Variants in LRRC4C observed in about 807,000 individuals in gnomAD.
LRRC4C encodes leucine rich repeat containing 4C.
In LRRC4C, 5 loss-of-function variants were observed where a neutral mutation model predicts 33.6. The observed-to-expected ratio is 0.15, with a 90% CI of 0.08 to 0.31. The LOEUF is 0.31. Among genes scored for constraint, LRRC4C ranks in the 10% least tolerant of loss-of-function variants. The pLI, the probability that LRRC4C is intolerant of heterozygous loss-of-function variation, is 1.00. For missense variants in LRRC4C, 560 were observed against 796.7 expected (o/e 0.70, Z 3.58); for synonymous variants, 329 against 302.0 (o/e 1.09, Z -0.93).
chr11:40,427,789 C>T (rs1950771155), intron 3 of LRRC4C, among the ~76,000 whole-genome samples: 2 of 151,980 alleles, frequency 1.3e-5, no homozygotes, highest in East Asian at 3.9e-4. Flanking sequence ...ATGATTGTGT[C>T]ACTGCATTTC....
chr11:41,422,362 C>A (rs1370154432), intron 1 of LRRC4C, among the ~76,000 whole-genome samples: 2 of 151,994 alleles, frequency 1.3e-5, no homozygotes, highest in Non-Finnish European at 2.9e-5. Context: ...CAGTTGCTAC[C>A]CATAAGACCT....
At chr11:41,268,812 G>A (rs2136813954) in intron 1 of LRRC4C, among the ~76,000 whole-genome samples, 1 of 150,654 alleles carries the variant, frequency 6.6e-6, no homozygotes, top group Admixed American at 6.6e-5. Context: ...TCTGTACTTT[G>A]AAAAAAGAAA....
At position 40,168,054 on chromosome 11, in the gene LRRC4C, C is replaced by G. The variant is rs112937525; in HGVS notation, c.-95-27201G>C. Among the ~76,000 whole-genome samples, 259 of 145,176 alleles carry G rather than the reference C, an allele frequency of 1.8e-3. 1 individual carries two copies. Among genetic ancestry groups the G allele is most frequent in the Middle Eastern group, 3.6e-3 (1 of 278 alleles). Reference sequence around the variant, plus strand: ...CAAAACTCTGTCTCAAACAAACAAACAAAAAACAAAAAAACAAAACAAAAC... The same window carrying G: ...CAAAACTCTGTCTCAAACAAACAAAGAAAAAACAAAAAAACAAAACAAAAC... On this transcript the variant is annotated intron_variant, in intron 5 of 6. Transcript: ENST00000528697.
intron 1 of LRRC4C, among the ~76,000 whole-genome samples, chr11:41,024,029 G>T (rs952561721): frequency 6.6e-6 from 1 of 151,306 alleles, no homozygotes; most frequent in East Asian, 2.0e-4. Flanking sequence ...TTCTAGTTGC[G>T]TTCAGATCAA....
chr11:40,997,539 G>C (rs1411499561), intron 1 of LRRC4C, among the ~76,000 whole-genome samples: 1 of 152,048 alleles, frequency 6.6e-6, no homozygotes, highest in Non-Finnish European at 1.5e-5. Context: ...ATGAAGGAAA[G>C]GTATGCAATT....
chr11:40,343,600 C>T (rs1946974091), intron 3 of LRRC4C, among the ~76,000 whole-genome samples: 1 of 146,920 alleles, frequency 6.8e-6, no homozygotes, highest in African/African-American at 2.5e-5. Flanking sequence ...TAAGTGAGAA[C>T]ATACAGTATT....
chr11:40,477,911 TG>T, intron 3 of LRRC4C, among the ~76,000 whole-genome samples: 1 of 151,634 alleles, frequency 6.6e-6, no homozygotes. Context: ...AACTGAATCA[TG>T]GGGGCAGGTC....
intron 3 of LRRC4C, among the ~76,000 whole-genome samples, chr11:40,571,254 G>C (rs932995495): frequency 2.6e-5 from 4 of 152,124 alleles, no homozygotes; most frequent in Non-Finnish European, 5.9e-5. Flanking sequence ...CGTGCTGTTT[G>C]AGTACATCTG....
intron 3 of LRRC4C, among the ~76,000 whole-genome samples, chr11:40,402,317 T>C (rs181038658): frequency 9.2e-5 from 14 of 152,250 alleles, no homozygotes; most frequent in African/African-American, 2.6e-4. Context: ...TCAGTTCGTG[T>C]TTTTGTAGTG....
intron 2 of LRRC4C, among the ~76,000 whole-genome samples, chr11:40,766,083 GA>G (rs57310532): frequency 0.62 from 85,948 of 138,654 alleles, 26,135 homozygotes; most frequent in Middle Eastern, 0.68. Context: ...AAAGCAGCAA[GA>G]AAAAAAAAAA....
chr11:40,992,512 T>A (rs1432205334), intron 1 of LRRC4C, among the ~76,000 whole-genome samples: 6 of 152,008 alleles, frequency 3.9e-5, no homozygotes, highest in African/African-American at 1.4e-4. Flanking sequence ...CTGAGAACTG[T>A]TATATTTTCC....
At chr11:41,201,895 T>TAC (rs1363435254) in intron 1 of LRRC4C, among the ~76,000 whole-genome samples, 7 of 120,184 alleles carry the variant, frequency 5.8e-5, no homozygotes, top group Admixed American at 2.0e-4. Flanking sequence ...TTGGCTGCTC[T>TAC]ACACACACAC....
chr11:40,570,976 G>A (rs921629145), intron 3 of LRRC4C, among the ~76,000 whole-genome samples: 1 of 151,958 alleles, frequency 6.6e-6, no homozygotes, highest in Non-Finnish European at 1.5e-5. Flanking sequence ...ACTTTCTTTT[G>A]TTTAATGTTT....
At chr11:40,911,266 C>T (rs921311375) in intron 2 of LRRC4C, among the ~76,000 whole-genome samples, 2 of 152,172 alleles carry the variant, frequency 1.3e-5, no homozygotes, top group African/African-American at 2.4e-5. Flanking sequence ...GGTCCCTGAA[C>T]CCCGAGTAGC....
chr11:41,107,963 AGAGGGG>A, intron 1 of LRRC4C, among the ~76,000 whole-genome samples: 1 of 474 alleles, frequency 2.1e-3, no homozygotes, highest in East Asian at 0.25. Context: ...AAGAGAAGGG[AGAGGGG>A]AGAGGGGAGA....
chr11:40,138,044 G>A (rs1436727870), intron 6 of LRRC4C, among the ~76,000 whole-genome samples: 1 of 152,174 alleles, frequency 6.6e-6, no homozygotes, highest in Non-Finnish European at 1.5e-5. Flanking sequence ...GGATCCAGAT[G>A]CTCTGTAAGT....
chr11:40,623,034 A>T (rs1296873784), intron 3 of LRRC4C, among the ~76,000 whole-genome samples: 1 of 151,850 alleles, frequency 6.6e-6, no homozygotes, highest in Non-Finnish European at 1.5e-5. Flanking sequence ...TATTTTACAG[A>T]CATTTACTTA....
chr11:40,586,486 C>T (rs1958751163), intron 3 of LRRC4C, among the ~76,000 whole-genome samples: 1 of 149,062 alleles, frequency 6.7e-6, no homozygotes, highest in African/African-American at 2.5e-5. Flanking sequence ...TAATTAGATC[C>T]CATTTGTCAA....
chr11:40,319,400 G>A (rs976172057), intron 4 of LRRC4C, among the ~76,000 whole-genome samples: 1 of 152,152 alleles, frequency 6.6e-6, no homozygotes, highest in African/African-American at 2.4e-5. Flanking sequence ...CACTTCTTGG[G>A]CCTGGATGGG....
Sources: gnomAD v4.1 joint callset for allele counts (sites outside exome capture counted in the v4.1 genomes callset) on GRCh38, gnomAD v4.1.1 for gene constraint, MANE v1.5 for transcripts, NCBI Gene and HGNC (gene_info 2026-07-23, HGNC 2026-07-21) for gene names.